PCDHA3: variants seen among roughly 807,000 people sequenced by gnomAD.
The protein encoded by PCDHA3 is protocadherin alpha-3.
In PCDHA3, 41 loss-of-function variants were observed where a neutral mutation model predicts 62.2. The ratio of observed to expected loss-of-function variants is 0.66; its 90% CI spans 0.51 to 0.86. The LOEUF (loss-of-function observed/expected upper bound fraction) is 0.86. Ranked by LOEUF, PCDHA3 falls within the 40% of genes least tolerant of loss-of-function variation. The probability of loss-of-function intolerance (pLI) is 0.00; values close to 1 mark genes in which losing one functional copy is unlikely to be tolerated. For synonymous variants in PCDHA3, 640 were observed against 555.4 expected (o/e 1.15, Z -2.14); for missense variants, 1,304 against 1,241.2 (o/e 1.05, Z -0.76).
chr5:140,876,250 A>C (rs782111802), intron 1 of PCDHA3: 1 of 1,614,046 alleles, frequency 6.2e-7, no homozygotes. Context: ...AAACGACACA[A>C]GAGTGATCCA....
chr5:140,871,760 G>C lies in PCDHA3; in HGVS notation c.2394+68169G>C, dbSNP rs191249350. Among the ~76,000 whole-genome samples the C allele has an allele frequency of 5.4e-3, 815 of 152,314 alleles. 3 individuals are homozygous for C. Among genetic ancestry groups the C allele is most frequent in the Middle Eastern group, 0.014 (4 of 294 alleles). The stretch of plus-strand genomic sequence containing the variant: ...AAATCCTAAAAGAAATGAGATGCAA[G>C]AGTGACTCTTCTGTAGTCACTTGAG... On this transcript the variant is annotated intron_variant, in intron 1 of 3. Coordinates refer to ENST00000522353, the MANE Select transcript of PCDHA3 (RefSeq NM_018906.3).
At chr5:140,872,573 C>T (rs1400699707) in intron 1 of PCDHA3, among the ~76,000 whole-genome samples, 1 of 152,068 alleles carries the variant, frequency 6.6e-6, no homozygotes, top group African/African-American at 2.4e-5. Flanking sequence ...GCTGCAGTGA[C>T]CTATCATCGT....
chr5:140,954,284 C>G (rs1719232084), intron 1 of PCDHA3, among the ~76,000 whole-genome samples: 1 of 152,158 alleles, frequency 6.6e-6, no homozygotes, highest in South Asian at 2.1e-4. Context: ...ATTTATATTC[C>G]TTTGGGTACA....
chr5:140,982,071 G>A (rs1484711558), intron 2 of PCDHA3, among the ~76,000 whole-genome samples: 12 of 151,172 alleles, frequency 7.9e-5, no homozygotes, highest in Admixed American at 7.9e-4. Flanking sequence ...TTCTTCTTTA[G>A]AGTAGAGAAC....
Position 140,857,121 on chromosome 5 carries a change from T to C in PCDHA3, c.2394+53530T>C. 3.1e-6 allele frequency: 5 copies of C among 1,597,978 alleles called. 1 individual carries two copies. Among genetic ancestry groups the C allele is most frequent in the Non-Finnish European group, 4.3e-6 (5 of 1,167,600 alleles). ...ATTGTCACTTCTCTGTCTCTCCCAG[T>C]GAAAGAAGATGCTCAAGTGGGCACC... On this transcript the variant is annotated intron_variant, in intron 1 of 3. Transcript: ENST00000522353.
chr5:140,835,671 G>T (rs1489343208), intron 1 of PCDHA3: 8 of 1,613,790 alleles, frequency 5.0e-6, no homozygotes, highest in Non-Finnish European at 6.8e-6. Context: ...CGCGCGGGAC[G>T]GGGGCTCGCC....
At chr5:140,915,732 G>A (rs1454734995) in intron 1 of PCDHA3, among the ~76,000 whole-genome samples, 2 of 151,870 alleles carry the variant, frequency 1.3e-5, no homozygotes, top group East Asian at 3.9e-4. Flanking sequence ...ATTGTGCTGG[G>A]TCAGACCTAT....
At chr5:140,853,601 AG>A in intron 1 of PCDHA3, 1 of 987,492 alleles carries the variant, frequency 1.0e-6, no homozygotes, top group Non-Finnish European at 1.2e-6. Context: ...TTGAGAGCAA[AG>A]GGGGTGCTGT....
At chr5:140,878,093 G>C (rs1209778256) in intron 1 of PCDHA3, 1 of 292,952 alleles carries the variant, frequency 3.4e-6, no homozygotes, top group Non-Finnish European at 6.0e-6. Context: ...TTATATGACT[G>C]ATGAACCTTG....
At chr5:140,876,456 T>C (rs2056356318) in intron 1 of PCDHA3, 11 of 1,613,932 alleles carry the variant, frequency 6.8e-6, no homozygotes, top group Non-Finnish European at 8.5e-6. Context: ...AAGGGATTCC[T>C]TCCATGGCAG....
At chr5:140,876,418 T>C in intron 1 of PCDHA3, 1 of 1,613,982 alleles carries the variant, frequency 6.2e-7, no homozygotes, top group Non-Finnish European at 8.5e-7. Flanking sequence ...GAATAATGCC[T>C]ATGAAATTCA....
At chr5:140,928,676 G>A in intron 1 of PCDHA3, 2 of 1,614,166 alleles carry the variant, frequency 1.2e-6, no homozygotes, top group East Asian at 2.2e-5. Context: ...TCTAATGCCT[G>A]GCTTTCCTAC....
chr5:140,828,095 G>A (rs2150150878), intron 1 of PCDHA3: 2 of 1,604,514 alleles, frequency 1.2e-6, no homozygotes, highest in African/African-American at 1.3e-5. Flanking sequence ...ATTTGACATG[G>A]TGTTTACCCC....
Position 140,840,718 on chromosome 5 carries a change from A to G in PCDHA3, c.2394+37127A>G, listed in dbSNP as rs2150309137. Among the ~76,000 whole-genome samples, 16 of 152,124 alleles carry G rather than the reference A, an allele frequency of 1.1e-4. 1 individual carries two copies. The South Asian group carries it at 3.3e-3, about 32-fold the overall frequency. On this transcript the variant is annotated intron_variant, in intron 1 of 3. Transcript: ENST00000522353. ...GTTCAGGCAATTTGACATTTATTGA[A>G]TAAAGAAAAGCAAAAATTTAACAAT...
chr5:140,802,982 C>A lies in PCDHA3; in HGVS notation c.1785C>A (p.Arg595=), dbSNP rs782518156. 49 of 1,614,008 alleles carry A rather than the reference C, an allele frequency of 3.0e-5. No homozygotes were observed. The Middle Eastern group carries it at 4.9e-4, about 16-fold the overall frequency. ...VGAGHVVAKV[R]AVDADSGYNA... ...CGGGCCACGTGGTAGCGAAGGTGCG[C>A]GCAGTGGATGCAGACTCAGGCTACA... is the stretch of plus-strand genomic sequence containing the variant. Residue 595 remains arginine, a synonymous_variant, in exon 1 of 4, where the codon CGC becomes CGA. Transcript: ENST00000522353.
intron 1 of PCDHA3, among the ~76,000 whole-genome samples, chr5:140,945,406 G>A (rs992531626): frequency 2.0e-4 from 30 of 151,882 alleles, no homozygotes; most frequent in East Asian, 1.2e-3. Flanking sequence ...AATACAATTC[G>A]TATCAAAATT....
At chr5:140,835,531 G>C (rs2150237714) in intron 1 of PCDHA3, 1 of 1,613,964 alleles carries the variant, frequency 6.2e-7, no homozygotes, top group Admixed American at 1.7e-5. Flanking sequence ...GGAGTCAACG[G>C]ACAGGTTACC....
intron 1 of PCDHA3, chr5:140,860,114 T>C (rs2046188052): frequency 6.6e-6 from 1 of 151,042 alleles, no homozygotes. Context: ...CATAGGGATA[T>C]CTTGTACTGT....
At chr5:140,859,918 G>A (rs2046091009) in intron 1 of PCDHA3, 1 of 151,762 alleles carries the variant, frequency 6.6e-6, no homozygotes, top group Admixed American at 6.6e-5. Flanking sequence ...TATATTATAA[G>A]TAATATAAAA....
Sources: allele counts gnomAD v4.1 joint callset (sites outside exome capture counted in the v4.1 genomes callset), GRCh38; gene constraint gnomAD v4.1.1; transcripts MANE v1.5; gene names NCBI Gene and HGNC (gene_info 2026-07-23, HGNC 2026-07-21).